TMEM131: variants seen among roughly 807,000 people sequenced by gnomAD.
The protein encoded by TMEM131 is transmembrane protein 131, also known as 2610524E03Rik.
A neutral mutation model predicts 211.6 loss-of-function variants in TMEM131; 66 were observed. That is an observed-to-expected ratio of 0.31 (90% CI 0.26 to 0.38). The LOEUF is 0.38. Ranked by LOEUF, TMEM131 falls within the 10% of genes least tolerant of loss-of-function variation. The pLI is 1.00. For missense variants in TMEM131, 2,036 were observed against 2,299.3 expected (o/e 0.89, Z 2.34); for synonymous variants, 844 against 841.3 (o/e 1.00, Z -0.06).
Position 97,792,963 on chromosome 2 carries a change from G to A in TMEM131, c.3567C>T (p.Asp1189=). Residue 1189 remains aspartate, a synonymous_variant, in exon 31 of 41, where the codon GAC becomes GAT. Transcript: ENST00000186436. The part of the protein sequence containing the change: ...SEGNLNTLSC[D]PGHSRGFCGA... ...CACAGAACCCCCTACTGTGACCGGG[G>A]TCACAGCTGAGTGTGTTCAAGCTGA... 6.3e-7 allele frequency: 1 copy of A among 1,591,224 alleles called. No individual in the cohort carries two copies. The highest frequency in any genetic ancestry group is 8.6e-7 in the Non-Finnish European group (1 of 1,169,068).
intron 1 of TMEM131, among the ~76,000 whole-genome samples, chr2:97,983,706 TCTC>T (rs796331399): frequency 1.8e-4 from 28 of 152,258 alleles, no homozygotes; most frequent in African/African-American, 6.7e-4. Flanking sequence ...AGCAGGGAGC[TCTC>T]CTCTTCTCCC....
At chr2:97,793,685 A>G in intron 29 of TMEM131, 132 bp from the exon 30 acceptor site, 4 of 937,466 alleles carry the variant, frequency 4.3e-6, no homozygotes, top group Non-Finnish European at 6.2e-6. Context: ...GTCTGTGACA[A>G]CTTTTAACAG....
chr2:97,802,877 G>A lies in TMEM131; in HGVS notation c.2403-87C>T. 2.5e-6 allele frequency: 3 copies of A among 1,213,762 alleles called. No homozygotes were observed. The South Asian group carries it at 4.9e-5, about 20-fold the overall frequency. 75.2% of individuals were successfully genotyped at this position (1,213,762 alleles called of 1,614,324 possible). On this transcript the variant is annotated intron_variant, in intron 22 of 40. Coordinates refer to ENST00000186436, the MANE Select transcript of TMEM131 (RefSeq NM_015348.2). ...GAAATTCAATTAGGCTTATGTACTT[G>A]AGAAATTTTTTGCTGGCCCTGAAAA...
At chr2:97,830,849 A>G (rs1475561640) in intron 11 of TMEM131, among the ~76,000 whole-genome samples, 1 of 152,230 alleles carries the variant, frequency 6.6e-6, no homozygotes, top group African/African-American at 2.4e-5. Flanking sequence ...ATATTTAGAA[A>G]GAGAATGAAT....
intron 1 of TMEM131, among the ~76,000 whole-genome samples, chr2:97,936,987 G>A (rs1677475070): frequency 6.6e-6 from 1 of 152,044 alleles, no homozygotes; most frequent in South Asian, 2.1e-4. Flanking sequence ...GAAAAGCACA[G>A]TAACTGAAAT....
chr2:97,875,970 A>T (rs992198169), intron 4 of TMEM131, among the ~76,000 whole-genome samples: 1 of 152,228 alleles, frequency 6.6e-6, no homozygotes, highest in African/African-American at 2.4e-5. Context: ...ATAGACCACT[A>T]GCCAGACTAA....
chr2:97,901,256 TGCTTTTGAGATCTTA>T (rs1353871293), intron 3 of TMEM131, among the ~76,000 whole-genome samples: 1 of 152,204 alleles, frequency 6.6e-6, no homozygotes, highest in Non-Finnish European at 1.5e-5. Flanking sequence ...TTGTTGCTTA[TGCTTTTGAGATCTTA>T]GCCCTAAAAT....
intron 3 of TMEM131, among the ~76,000 whole-genome samples, chr2:97,900,186 G>A (rs1043905012): frequency 2.6e-5 from 4 of 152,046 alleles, no homozygotes; most frequent in Admixed American, 2.6e-4. Context: ...TGTACAGCTA[G>A]CCCAGGAAAG....
At chr2:97,946,655 A>G (rs1293176703) in intron 1 of TMEM131, among the ~76,000 whole-genome samples, 1 of 151,940 alleles carries the variant, frequency 6.6e-6, no homozygotes, top group East Asian at 1.9e-4. Flanking sequence ...GTTCTCCCAA[A>G]TATTTAAGGG....
intron 4 of TMEM131, among the ~76,000 whole-genome samples, chr2:97,886,377 A>G (rs529412760): frequency 7.5e-4 from 114 of 152,304 alleles, no homozygotes; most frequent in African/African-American, 2.6e-3. Flanking sequence ...CATCTGGTAG[A>G]AAAGTCATTT....
chr2:97,868,122 A>G (rs1335565045), intron 4 of TMEM131, among the ~76,000 whole-genome samples: 1 of 152,040 alleles, frequency 6.6e-6, no homozygotes, highest in African/African-American at 2.4e-5. Context: ...TCGAGTTGTT[A>G]TTTTTGTGTA....
chr2:97,897,293 T>C (rs1392643958), intron 3 of TMEM131, among the ~76,000 whole-genome samples: 1 of 152,120 alleles, frequency 6.6e-6, no homozygotes, highest in African/African-American at 2.4e-5. Flanking sequence ...ATGTAATGAC[T>C]ACCACATCCA....
chr2:97,834,478 G>C (rs964865266), intron 10 of TMEM131, 143 bp downstream of exon 10: 4 of 710,812 alleles, frequency 5.6e-6, no homozygotes, highest in African/African-American at 1.9e-5. Flanking sequence ...CGCTGAGTCT[G>C]AAAAGGAGAT....
chr2:97,833,712 C>T (rs935637904), intron 10 of TMEM131, among the ~76,000 whole-genome samples: 1 of 149,742 alleles, frequency 6.7e-6, no homozygotes, highest in Admixed American at 6.7e-5. Context: ...GGCTGGAGTA[C>T]AGTGGGGCAT....
intron 25 of TMEM131, among the ~76,000 whole-genome samples, chr2:97,799,788 A>G (rs1024385522): frequency 1.2e-4 from 18 of 152,300 alleles, no homozygotes; most frequent in Middle Eastern, 6.8e-3. Context: ...TAAAAAGGCA[A>G]CTAAAATACT....
chr2:97,826,354 A>G (rs972742351), intron 11 of TMEM131, among the ~76,000 whole-genome samples: 2 of 152,236 alleles, frequency 1.3e-5, no homozygotes, highest in Non-Finnish European at 2.9e-5. Flanking sequence ...CCATGCTGCA[A>G]TATGGAAAGA....
Position 97,916,922 on chromosome 2 carries a change from ATATT to A in TMEM131, c.250-8228_250-8225del, listed in dbSNP as rs67369603. Among the ~76,000 whole-genome samples the A allele has an allele frequency of 2.3e-4, 35 of 152,332 alleles. 1 individual carries two copies. Among genetic ancestry groups the A allele is most frequent in the African/African-American group, 1.9e-4 (8 of 41,574 alleles). On this transcript the variant is annotated intron_variant, in intron 2 of 40. Transcript: ENST00000186436. The stretch of plus-strand genomic sequence containing the variant: ...TGTCAACACCCAATAAATATGACTT[ATATT>A]TATTATTTTTTCACATTTTTCAAAT...
Position 97,805,448 on chromosome 2 carries a change from C to T in TMEM131, c.2212G>A (p.Ala738Thr). 1.2e-6 allele frequency: 2 copies of T among 1,613,944 alleles called. No homozygotes were observed. Among genetic ancestry groups the T allele is most frequent in the South Asian group, 1.1e-5 (1 of 91,080 alleles). Residue 738 changes from alanine (A) to threonine (T), a missense_variant, in exon 21 of 41, where the codon GCA becomes ACA. Around this residue, in one of 3 missense-constraint regions of TMEM131, gnomAD observed 1,623 missense variants for 1,805.9 expected, o/e 0.90. Transcript: ENST00000186436. Reference sequence around the variant, plus strand: ...AGTCCAGGATCAAAATAAATGTTTGCAATCTATAAAGAGGCACAGGAGAAC... The same window carrying T: ...AGTCCAGGATCAAAATAAATGTTTGTAATCTATAAAGAGGCACAGGAGAAC... The part of the protein sequence containing the change: ...DLEPGKKSKI[A>T]NIYFDPGLQC...
intron 3 of TMEM131, among the ~76,000 whole-genome samples, chr2:97,907,687 A>T (rs1255319148): frequency 4.6e-5 from 7 of 152,224 alleles, no homozygotes; most frequent in African/African-American, 7.2e-5. Context: ...CTGTCATTTA[A>T]GGAATAAATA....
Sources: allele counts gnomAD v4.1 joint callset (sites outside exome capture counted in the v4.1 genomes callset), GRCh38; gene constraint gnomAD v4.1.1; regional missense constraint gnomAD v4.1.1; transcripts MANE v1.5; gene names NCBI Gene and HGNC (gene_info 2026-07-23, HGNC 2026-07-21).